CACHD1: variants seen among roughly 807,000 people sequenced by gnomAD.
CACHD1 encodes VWFA and cache domain-containing protein 1.
Under a neutral mutation model 138.7 loss-of-function variants are expected in CACHD1, and 71 were observed. That is an observed-to-expected ratio of 0.51 (90% CI 0.42 to 0.62). CACHD1 has a LOEUF of 0.62. CACHD1 is among the 20% of genes least tolerant of loss of function. The pLI is 0.00. For synonymous variants in CACHD1, 578 were observed against 591.5 expected, an observed-to-expected ratio of 0.98 and a Z score of 0.33; for missense variants, 1,389 against 1,625.3, an observed-to-expected ratio of 0.85 and a Z score of 2.50.
At chr1:64,640,765 A>G (rs1476382878) in intron 7 of CACHD1, among the ~76,000 whole-genome samples, 2 of 150,632 alleles carry the variant, frequency 1.3e-5, no homozygotes, top group African/African-American at 2.5e-5. Context: ...ATATATATAT[A>G]TGTTAAATCA....
chr1:64,583,198 TGCTGGGCTTTTAGGTA>T (rs1276231183), intron 3 of CACHD1, among the ~76,000 whole-genome samples: 5 of 152,212 alleles, frequency 3.3e-5, no homozygotes, highest in Admixed American at 3.3e-4. Context: ...TATGATTTCT[TGCTGGGCTTTTAGGTA>T]GCAGGGCATC....
At chr1:64,609,731 A>G (rs542855054) in intron 4 of CACHD1, among the ~76,000 whole-genome samples, 1 of 152,004 alleles carries the variant, frequency 6.6e-6, no homozygotes, top group African/African-American at 2.4e-5. Flanking sequence ...CATAATGGAT[A>G]TAGCCTTTTT....
At chr1:64,582,855 G>C (rs747339262) in intron 3 of CACHD1, among the ~76,000 whole-genome samples, 1 of 152,116 alleles carries the variant, frequency 6.6e-6, no homozygotes, top group Non-Finnish European at 1.5e-5. Flanking sequence ...GGAAATTGTA[G>C]TGGAAAGAAC....
In CACHD1 at chr1:64,658,655, C is replaced by T. The variant is rs538432958; in HGVS notation, c.1783-50C>T. On this transcript the variant is annotated intron_variant, in intron 12 of 26. Transcript: ENST00000651257. ...AATAATGTATGCAAAGTCCCTGTCC[C>T]CATGGAACCCTCATTTTCTAGGTCA... The T allele has an allele frequency of 1.0e-4, 149 of 1,452,786 alleles. 1 individual carries two copies. The South Asian group carries it at 1.7e-3, about 17-fold the overall frequency. 90.0% of individuals were successfully genotyped at this position (1,452,786 alleles called of 1,614,324 possible).
intron 1 of CACHD1, among the ~76,000 whole-genome samples, chr1:64,483,609 C>T (rs1332473422): frequency 6.8e-6 from 1 of 146,690 alleles, no homozygotes; most frequent in Admixed American, 6.9e-5. Flanking sequence ...TTTGGGAGGC[C>T]GAGGTGGCAG....
At chr1:64,528,490 G>T (rs574204736) in intron 1 of CACHD1, among the ~76,000 whole-genome samples, 2 of 152,176 alleles carry the variant, frequency 1.3e-5, no homozygotes, top group African/African-American at 4.8e-5. Flanking sequence ...TGATCAGCAT[G>T]GGCCATCCTA....
chr1:64,674,526 T>C (rs937447690), intron 19 of CACHD1, among the ~76,000 whole-genome samples: 2 of 152,214 alleles, frequency 1.3e-5, no homozygotes, highest in Admixed American at 6.5e-5. Context: ...AGAGCATTCC[T>C]GGGTATTGGG....
At position 64,564,387 on chromosome 1, in the gene CACHD1, C is replaced by G. The variant is rs143761802; in HGVS notation, c.261+13731C>G. 3.3e-5 allele frequency among the ~76,000 whole-genome samples: 5 copies of G among 152,278 alleles called. 1 individual carries two copies. Among genetic ancestry groups the G allele is most frequent in the South Asian group, 2.1e-4 (1 of 4,826 alleles). ...CCTCCCATAACTTGTGTCGCCACCC[C>G]CTTCCCCAGAAGCCCCAAGCCCTGA... is the stretch of plus-strand genomic sequence containing the variant. On this transcript the variant is annotated intron_variant, in intron 2 of 26. Coordinates refer to ENST00000651257, the MANE Select transcript of CACHD1 (RefSeq NM_020925.4).
At chr1:64,609,496 A>T (rs1477166589) in intron 4 of CACHD1, among the ~76,000 whole-genome samples, 1 of 152,202 alleles carries the variant, frequency 6.6e-6, no homozygotes, top group Non-Finnish European at 1.5e-5. Context: ...AGAATTAAGG[A>T]ACTAAACAAA....
chr1:64,612,810 TCCACTCTGCAG>T (rs1647580941), intron 4 of CACHD1, among the ~76,000 whole-genome samples: 1 of 152,222 alleles, frequency 6.6e-6, no homozygotes, highest in African/African-American at 2.4e-5. Flanking sequence ...TAGTACAGTG[TCCACTCTGCAG>T]CCAATGGATC....
At chr1:64,668,442 C>T (rs1649710899) in intron 16 of CACHD1, among the ~76,000 whole-genome samples, 3 of 152,116 alleles carry the variant, frequency 2.0e-5, no homozygotes, top group South Asian at 4.2e-4. Flanking sequence ...CACTTGAACC[C>T]GGGAGGCGGA....
intron 3 of CACHD1, among the ~76,000 whole-genome samples, chr1:64,590,521 C>A (rs1647090877): frequency 6.6e-6 from 1 of 152,150 alleles, no homozygotes; most frequent in South Asian, 2.1e-4. Context: ...AGGTAACTTA[C>A]TCAGAGGGTT....
chr1:64,577,706 C>A (rs571532868), intron 2 of CACHD1, among the ~76,000 whole-genome samples: 3 of 152,290 alleles, frequency 2.0e-5, no homozygotes, highest in Admixed American at 2.0e-4. Context: ...TGGCACTCAG[C>A]AGATGTTGGC....
intron 1 of CACHD1, among the ~76,000 whole-genome samples, chr1:64,491,903 G>C (rs1646278427): frequency 6.6e-6 from 1 of 151,994 alleles, no homozygotes; most frequent in South Asian, 2.1e-4. Context: ...TTACAAGTGT[G>C]AGCCACTGCA....
chr1:64,684,516 C>G (rs766288398), intron 26 of CACHD1, among the ~76,000 whole-genome samples: 2 of 151,600 alleles, frequency 1.3e-5, no homozygotes, highest in Non-Finnish European at 1.5e-5. Flanking sequence ...TACAATGTGT[C>G]TGTATTTTAA....
In CACHD1 at chr1:64,671,558, T is replaced by C; in HGVS notation, c.2388-6T>C. ...TATTGTTCTCATTGATCTTTTTCAC[T>C]TAAAGTACACAGCTGTCTTCTGGGC... On this transcript the variant is annotated splice_polypyrimidine_tract_variant and splice_region_variant and intron_variant, in intron 16 of 26. Transcript: ENST00000651257. 3 of 1,614,000 alleles carry C rather than the reference T, an allele frequency of 1.9e-6. No homozygotes were observed. Among genetic ancestry groups the C allele is most frequent in the Non-Finnish European group, 2.5e-6 (3 of 1,179,880 alleles).
intron 8 of CACHD1, among the ~76,000 whole-genome samples, chr1:64,647,139 T>C (rs915096408): frequency 6.1e-5 from 7 of 114,796 alleles, no homozygotes; most frequent in Admixed American, 9.9e-5. Context: ...TACATCCCAG[T>C]ATGCCTAAAT....
At chr1:64,639,923 C>T (rs61787393) in intron 7 of CACHD1, among the ~76,000 whole-genome samples, 149,405 of 152,270 alleles carry the variant, frequency 0.98, 73,384 homozygotes, top group East Asian at 1. Context: ...CCCAGAGCTG[C>T]TGTCTTCTCA....
At position 64,692,904 on chromosome 1, in the gene CACHD1, T is replaced by A. The variant is rs1650608486; in HGVS notation, c.*1343T>A. The A allele has an allele frequency of 6.6e-6, 1 of 152,660 alleles. No homozygotes were observed. The highest frequency in any genetic ancestry group is 1.5e-5 in the Non-Finnish European group (1 of 68,038). The allele number at this position is 152,660 out of a possible 1,614,324, so 9.5% of individuals were successfully genotyped here. A position where few individuals can be genotyped will look rare whatever the true frequency, so the allele number is the denominator to read the frequency against. ...ATGTAGTTGGAAAAAATTCACTGAA[T>A]AATGTTTTAATGATAGGGTATTATG... On this transcript the variant is annotated 3_prime_UTR_variant, in exon 27 of 27. Transcript: ENST00000651257.
Sources: gnomAD v4.1 joint callset for allele counts (sites outside exome capture counted in the v4.1 genomes callset) on GRCh38, gnomAD v4.1.1 for gene constraint, MANE v1.5 for transcripts, NCBI Gene and HGNC (gene_info 2026-07-23, HGNC 2026-07-21) for gene names.